Variants in CTNNBL1 observed in about 807,000 individuals in gnomAD.
The protein encoded by CTNNBL1 is beta-catenin-like protein 1.
A neutral mutation model predicts 72.7 loss-of-function variants in CTNNBL1; 31 were observed. The ratio of observed to expected loss-of-function variants is 0.43; its 90% confidence interval spans 0.32 to 0.58. The LOEUF is 0.58. CTNNBL1 is among the 20% of genes least tolerant of loss of function. CTNNBL1 has a pLI of 0.08. For missense variants in CTNNBL1, 534 were observed against 725.1 expected (o/e 0.74, Z 3.03); for synonymous variants, 240 against 267.3 (o/e 0.90, Z 1.00).
At chr20:37,777,621 T>C (rs777125999) in intron 8 of CTNNBL1, 33 bp from the exon 9 acceptor site, 3 of 1,595,672 alleles carry the variant, frequency 1.9e-6, no homozygotes, top group Admixed American at 1.7e-5. Context: ...GTTAGGTTCA[T>C]TTTTTTTCTT....
chr20:37,847,928 C>G (rs1211174079), intron 13 of CTNNBL1: 1 of 152,552 alleles, frequency 6.6e-6, no homozygotes, highest in East Asian at 1.9e-4. Flanking sequence ...CAGATTTTGT[C>G]CTTTGCATTC....
At chr20:37,853,848 T>C (rs1298617586) in intron 13 of CTNNBL1, among the ~76,000 whole-genome samples, 1 of 152,248 alleles carries the variant, frequency 6.6e-6, no homozygotes, top group Non-Finnish European at 1.5e-5. Flanking sequence ...GCAGTAAATA[T>C]TCCATGCCAC....
chr20:37,709,542 C>G (rs986162202), intron 1 of CTNNBL1, among the ~76,000 whole-genome samples: 1 of 152,302 alleles, frequency 6.6e-6, no homozygotes, highest in African/African-American at 2.4e-5. Context: ...TTAGCAGACG[C>G]TCTCAACATC....
chr20:37,774,546 G>A (rs1354151926), intron 7 of CTNNBL1, among the ~76,000 whole-genome samples: 2 of 152,208 alleles, frequency 1.3e-5, no homozygotes, highest in African/African-American at 4.8e-5. Context: ...TAAAAATGAT[G>A]AAGTTATCAG....
intron 11 of CTNNBL1, among the ~76,000 whole-genome samples, chr20:37,818,777 G>C (rs1007778168): frequency 1.3e-5 from 2 of 152,144 alleles, no homozygotes; most frequent in Admixed American, 6.5e-5. Context: ...TATTCTCCAA[G>C]GAGAGCTATG....
intron 1 of CTNNBL1, among the ~76,000 whole-genome samples, chr20:37,718,511 G>A (rs1312288168): frequency 2.1e-5 from 3 of 141,050 alleles, no homozygotes; most frequent in African/African-American, 2.7e-5. Context: ...GGGCAGAGGG[G>A]CTCCTCACTT....
chr20:37,772,626 G>A (rs2073535862), intron 7 of CTNNBL1, among the ~76,000 whole-genome samples: 1 of 152,208 alleles, frequency 6.6e-6, no homozygotes, highest in Non-Finnish European at 1.5e-5. Context: ...GGGATTACAG[G>A]TGTAAGCCAC....
chr20:37,791,605 C>CT (rs2073726441), intron 10 of CTNNBL1, among the ~76,000 whole-genome samples: 1 of 152,080 alleles, frequency 6.6e-6, no homozygotes, highest in Admixed American at 6.5e-5. Context: ...TGGTTTATAT[C>CT]AGAGGTTACC....
At chr20:37,813,323 A>T (rs1251931863) in intron 11 of CTNNBL1, among the ~76,000 whole-genome samples, 1 of 152,204 alleles carries the variant, frequency 6.6e-6, no homozygotes, top group Non-Finnish European at 1.5e-5. Context: ...AGTGTTGAGG[A>T]CGGTACTGGT....
chr20:37,837,524 G>A (rs998233761), intron 11 of CTNNBL1, among the ~76,000 whole-genome samples: 5 of 152,198 alleles, frequency 3.3e-5, no homozygotes, highest in South Asian at 2.1e-4. Flanking sequence ...AATTGATGGC[G>A]CCCTCAGAAA....
At position 37,866,347 on chromosome 20, in the gene CTNNBL1, C is replaced by A. The variant is rs1201492013; in HGVS notation, c.1604-5578C>A. 2.0e-5 allele frequency among the ~76,000 whole-genome samples: 3 copies of A among 152,222 alleles called. No homozygotes were observed. The East Asian group carries it at 5.8e-4, about 29-fold the overall frequency. On this transcript the variant is annotated intron_variant, in intron 15 of 15. Transcript: ENST00000361383. ...GGGGGAACCACTCTTGGAGAACCAACTGTGCTAAGACCATGGAGCCTGCAG... is the reference window on the plus strand; with the variant it reads ...GGGGGAACCACTCTTGGAGAACCAAATGTGCTAAGACCATGGAGCCTGCAG...
intron 10 of CTNNBL1, among the ~76,000 whole-genome samples, chr20:37,792,506 C>T (rs368382638): frequency 1.1e-4 from 16 of 152,306 alleles, no homozygotes; most frequent in African/African-American, 3.4e-4. Context: ...CTTTACATTA[C>T]TCAGTGTTTA....
chr20:37,782,428 A>G (rs145024907), intron 10 of CTNNBL1, among the ~76,000 whole-genome samples: 2 of 152,284 alleles, frequency 1.3e-5, no homozygotes, highest in East Asian at 1.9e-4. Flanking sequence ...ATTTTTGTCT[A>G]CTTTATTGAG....
At chr20:37,747,946 C>T (rs1450960582) in intron 4 of CTNNBL1, among the ~76,000 whole-genome samples, 1 of 152,128 alleles carries the variant, frequency 6.6e-6, no homozygotes, top group Non-Finnish European at 1.5e-5. Flanking sequence ...GAATCTGATT[C>T]GTGACTTCCA....
chr20:37,721,636 A>G (rs979043973), intron 1 of CTNNBL1, among the ~76,000 whole-genome samples: 13 of 152,178 alleles, frequency 8.5e-5, no homozygotes, highest in African/African-American at 3.1e-4. Context: ...CTCTTCCCTA[A>G]TCTCATTTCA....
chr20:37,814,149 C>T (rs182256860), intron 11 of CTNNBL1, among the ~76,000 whole-genome samples: 150 of 152,268 alleles, frequency 9.9e-4, no homozygotes, highest in Admixed American at 1.6e-3. Context: ...TAGGATTTTC[C>T]TGCAGCTTCC....
chr20:37,699,700 T>A (rs2072823823), intron 1 of CTNNBL1, among the ~76,000 whole-genome samples: 1 of 152,198 alleles, frequency 6.6e-6, no homozygotes, highest in African/African-American at 2.4e-5. Context: ...GATTTGAACA[T>A]CCCCATCCCT....
At chr20:37,755,099 A>G (rs1171621141) in intron 4 of CTNNBL1, among the ~76,000 whole-genome samples, 2 of 152,164 alleles carry the variant, frequency 1.3e-5, no homozygotes, top group Non-Finnish European at 2.9e-5. Context: ...GAGCCACCAC[A>G]GGCCAGAGAT....
intron 1 of CTNNBL1, chr20:37,727,217 C>G: frequency 3.7e-6 from 1 of 272,898 alleles, no homozygotes; most frequent in Non-Finnish European, 5.6e-6. Flanking sequence ...TCTGGGTACG[C>G]AGGGAGTATC....
Sources: gnomAD v4.1 joint callset for allele counts (sites outside exome capture counted in the v4.1 genomes callset) on GRCh38, gnomAD v4.1.1 for gene constraint, MANE v1.5 for transcripts, NCBI Gene and HGNC (gene_info 2026-07-23, HGNC 2026-07-21) for gene names.